The following RPS8 variants were observed in gnomAD, a reference collection of about 807,000 sequenced individuals.
The protein encoded by RPS8 is ribosomal protein S8, also known as small ribosomal subunit protein eS8.
For synonymous variants in RPS8, 100 were observed against 100.7 expected (o/e 0.99, Z 0.04); for missense variants, 141 against 269.7 (o/e 0.52, Z 3.34).
intron 4 of RPS8, 22 bp downstream of exon 4, chr1:44,777,811 G>A (rs749034987): frequency 3.7e-6 from 6 of 1,613,476 alleles, no homozygotes; most frequent in Non-Finnish European, 5.1e-6. Context: ...TTCCCTGTAG[G>A]GGTTGTGGGG....
intron 3 of RPS8, chr1:44,777,147 C>T (rs1381441223): frequency 1.4e-5 from 3 of 215,690 alleles, no homozygotes; most frequent in Non-Finnish European, 2.8e-5. Flanking sequence ...TCTTGGTTCA[C>T]TGCAGCCTCC....
In RPS8 at chr1:44,777,112, T is replaced by C. The variant is rs563726816; in HGVS notation, c.211+338T>C. The C allele has an allele frequency of 1.7e-5, 4 of 235,984 alleles. No homozygotes were observed. The South Asian group carries it at 1.8e-4, about 11-fold the overall frequency. The allele number at this position is 235,984 out of a possible 1,614,324, so 14.6% of individuals were successfully genotyped here. A position where few individuals can be genotyped will look rare whatever the true frequency, so the allele number is the denominator to read the frequency against. Reference sequence around the variant, plus strand: ...TTTTTTGAGATTGGGTCTCTGTTGCTCAGGCTGGAGTGCCAGTGGCGTGAT... The same window carrying C: ...TTTTTTGAGATTGGGTCTCTGTTGCCCAGGCTGGAGTGCCAGTGGCGTGAT... On this transcript the variant is annotated intron_variant, in intron 3 of 5. Coordinates refer to ENST00000396651, the MANE Select transcript of RPS8 (RefSeq NM_001012.2).
chr1:44,776,814 T>TA (rs1650871186), intron 3 of RPS8, 40 bp downstream of exon 3: 1 of 1,464,882 alleles, frequency 6.8e-7, no homozygotes, highest in Non-Finnish European at 9.4e-7. Flanking sequence ...AAAACGCACC[T>TA]AAACGGTCTT....
In RPS8 at chr1:44,776,664, G is replaced by T; in HGVS notation, c.112-11G>T. 6.2e-7 allele frequency: 1 copy of T among 1,612,750 alleles called. No individual in the cohort carries two copies. Among genetic ancestry groups the T allele is most frequent in the Non-Finnish European group, 8.5e-7 (1 of 1,178,964 alleles). On this transcript the variant is annotated splice_polypyrimidine_tract_variant and intron_variant, in intron 2 of 5. Transcript: ENST00000396651. ...TTGGTAACCTAGTTCCTGTAACCTTGTGTTTTCCAGATTGGCCCCCGCCGC... is the reference window on the plus strand; with the variant it reads ...TTGGTAACCTAGTTCCTGTAACCTTTTGTTTTCCAGATTGGCCCCCGCCGC...
At position 44,777,694 on chromosome 1, in the gene RPS8, A is replaced by C. The variant is rs145889888; in HGVS notation, c.292A>C (p.Lys98Gln). 2.5e-6 allele frequency: 4 copies of C among 1,613,998 alleles called. No individual in the cohort carries two copies. The highest frequency in any genetic ancestry group is 1.7e-4 in the Middle Eastern group (1 of 6,058). ...GCTGGTTCGTACCAAGACCCTGGTG[A>C]AGAATTGCATCGTGCTCATCGACAG... Reference protein sequence around the residue: ...NELVRTKTLVKNCIVLIDSTP... With the variant: ...NELVRTKTLVQNCIVLIDSTP... The change falls in exon 4 of 6, where the codon AAG (lysine) becomes CAG (glutamine). Residue 98 changes from lysine to glutamine, a missense_variant. Coordinates refer to ENST00000396651, the MANE Select transcript of RPS8 (RefSeq NM_001012.2).
chr1:44,775,813 C>A (rs1364127044), intron 1 of RPS8: 2 of 788,492 alleles, frequency 2.5e-6, no homozygotes, highest in Admixed American at 2.4e-5. Flanking sequence ...CTGCGGGCTC[C>A]GAGCGGCGCC....
At chr1:44,777,425 C>T in intron 3 of RPS8, 189 bp from the exon 4 acceptor site, 2 of 594,856 alleles carry the variant, frequency 3.4e-6, no homozygotes, top group South Asian at 4.0e-5. Flanking sequence ...GTAAAGACTG[C>T]GGGTTGCCAA....
At position 44,777,969 on chromosome 1, in the gene RPS8, C is replaced by T. The variant is rs751843039; in HGVS notation, c.388-31C>T. 4 of 1,613,168 alleles carry T rather than the reference C, an allele frequency of 2.5e-6. No individual in the cohort carries two copies. In the Admixed American group the frequency reaches 5.0e-5, roughly 20 times the overall value. ...AGCTCCCAGGGCCTGCCTTCCTTCC[C>T]TGAGCTCATATATTTGTATCCCCTT... On this transcript the variant is annotated intron_variant, in intron 4 of 5. Transcript: ENST00000396651.
chr1:44,778,567 C>G lies in RPS8; in HGVS notation c.518-9C>G. 1 of 1,610,008 alleles carries G rather than the reference C, an allele frequency of 6.2e-7. No individual in the cohort carries two copies. Among genetic ancestry groups the G allele is most frequent in the Non-Finnish European group, 8.5e-7 (1 of 1,176,316 alleles). On this transcript the variant is annotated splice_polypyrimidine_tract_variant and intron_variant, in intron 5 of 5. Coordinates refer to ENST00000396651, the MANE Select transcript of RPS8 (RefSeq NM_001012.2). ...GTCGTTGTGCTAAGGATCACCTACTCTCTTGCAGCGTGCATCGCTTCAAGG... is the reference window on the plus strand; with the variant it reads ...GTCGTTGTGCTAAGGATCACCTACTGTCTTGCAGCGTGCATCGCTTCAAGG...
chr1:44,776,842 C>CCTGGCGCGGTGG, intron 3 of RPS8, 68 bp downstream of exon 3: 1 of 1,258,742 alleles, frequency 7.9e-7, no homozygotes, highest in Non-Finnish European at 1.1e-6. Flanking sequence ...ACCAAGTGGG[C>CCTGGCGCGGTGG]CTGGCGCGGT....
At position 44,778,089 on chromosome 1, in the gene RPS8, C is replaced by T. The variant is rs771774971; in HGVS notation, c.477C>T (p.Ser159=). Residue 159 remains serine (S), a synonymous_variant, in exon 5 of 6, where the codon AGC becomes AGT. Coordinates refer to ENST00000396651, the MANE Select transcript of RPS8 (RefSeq NM_001012.2). The part of the protein sequence containing the change: ...YDERKKNAKI[S]SLLEEQFQQG... ...AAAGGAAAAAGAATGCCAAAATCAG[C>T]AGTCTCCTGGAGGAGCAGTTCCAGC... 1.2e-6 allele frequency: 2 copies of T among 1,604,102 alleles called. No individual in the cohort carries two copies. The highest frequency in any genetic ancestry group is 1.7e-6 in the Non-Finnish European group (2 of 1,174,788).
rs1650811089 is a variant in RPS8 at position 44,775,555 on chromosome 1, C to T, written c.-42C>T. On this transcript the variant is annotated 5_prime_UTR_variant, in exon 1 of 6. Transcript: ENST00000396651. The stretch of plus-strand genomic sequence containing the variant: ...GCGGGGCAGCGTTTTACAAACCGAA[C>T]CGTGAATCTTTGCGGTTTCTCTTTC... The T allele has an allele frequency of 6.2e-7, 1 of 1,613,882 alleles. No individual in the cohort carries two copies. Among genetic ancestry groups the T allele is most frequent in the African/African-American group, 1.3e-5 (1 of 75,040 alleles).
At position 44,776,583 on chromosome 1, in the gene RPS8, A is replaced by G. The variant is rs541727514; in HGVS notation, c.112-92A>G. On this transcript the variant is annotated intron_variant, in intron 2 of 5. Coordinates refer to ENST00000396651, the MANE Select transcript of RPS8 (RefSeq NM_001012.2). ...CAATGCAAGGACTTGTCATAGTTAC[A>G]CTGACTGTTGCCTCCTCCCGGCCCA... 3.2e-4 allele frequency: 338 copies of G among 1,042,428 alleles called. 3 individuals are homozygous for G. The East Asian group carries it at 7.3e-3, about 23-fold the overall frequency. 64.6% of individuals were successfully genotyped at this position (1,042,428 alleles called of 1,614,324 possible).
At chr1:44,776,947 C>T (rs541866301) in intron 3 of RPS8, 173 bp downstream of exon 3, 395 of 539,612 alleles carry the variant, frequency 7.3e-4, no homozygotes, top group Non-Finnish European at 1.0e-3. Context: ...CAGAGCGAGA[C>T]TCTCAGTAAA....
rs570744056 is a variant in RPS8, at chr1:44,778,074, G to A, written c.462G>A (p.Lys154=). 1 of 1,609,448 alleles carries A rather than the reference G, an allele frequency of 6.2e-7. No homozygotes were observed. The highest frequency in any genetic ancestry group is 1.3e-5 in the African/African-American group (1 of 74,964). ...AGAAGAAATATGATGAAAGGAAAAA[G>A]AATGCCAAAATCAGCAGTCTCCTGG... is the stretch of plus-strand genomic sequence containing the variant. ...KIQKKYDERK[K]NAKISSLLEE... Residue 154 remains lysine (K), a synonymous_variant, in exon 5 of 6, where the codon AAG becomes AAA. Coordinates refer to ENST00000396651, the MANE Select transcript of RPS8 (RefSeq NM_001012.2).
intron 3 of RPS8, 143 bp from the exon 4 acceptor site, chr1:44,777,471 G>T: frequency 1.5e-6 from 1 of 685,464 alleles, no homozygotes; most frequent in African/African-American, 1.8e-5. Flanking sequence ...GGTTGTGGAA[G>T]ACGAACTGAT....
Position 44,775,611 on chromosome 1 carries a change from C to T in RPS8, c.4+11C>T, listed in dbSNP as rs375707469. 1.9e-6 allele frequency: 3 copies of T among 1,614,032 alleles called. No individual in the cohort carries two copies. The highest frequency in any genetic ancestry group is 2.5e-6 in the Non-Finnish European group (3 of 1,179,992). ...AGCGCCGAGCGATGGGTGAGTGTCG[C>T]TCTGCATTGAGGCGGGTGAAGGGAG... is the stretch of plus-strand genomic sequence containing the variant. On this transcript the variant is annotated intron_variant, in intron 1 of 5. Coordinates refer to ENST00000396651, the MANE Select transcript of RPS8 (RefSeq NM_001012.2).
chr1:44,776,590 G>T, intron 2 of RPS8, 85 bp from the exon 3 acceptor site: 1 of 1,117,908 alleles, frequency 8.9e-7, no homozygotes, highest in East Asian at 2.3e-5. Flanking sequence ...TACACTGACT[G>T]TTGCCTCCTC....
At chr1:44,776,496 G>GGTGATGAAAAAGAATCCTTAGGC (rs755374798) in intron 2 of RPS8, 179 bp from the exon 3 acceptor site, 2 of 767,274 alleles carry the variant, frequency 2.6e-6, no homozygotes, top group Non-Finnish European at 4.8e-6. Flanking sequence ...AGGCAAGTAG[G>GGTGATGAAAAAGAATCCTTAGGC]GTGATGAAAA....
Sources: gnomAD v4.1 joint callset for allele counts on GRCh38, gnomAD v4.1.1 for gene constraint, MANE v1.5 for transcripts, NCBI Gene and HGNC (gene_info 2026-07-23, HGNC 2026-07-21) for gene names.